POMGNT1: variants seen among roughly 807,000 people sequenced by gnomAD.
The protein encoded by POMGNT1 is protein O-linked-mannose beta-1,2-N-acetylglucosaminyltransferase 1.
Under a neutral mutation model 95.6 loss-of-function variants are expected in POMGNT1, and 67 were observed. The ratio of observed to expected loss-of-function variants is 0.70; its 90% CI spans 0.58 to 0.86. The LOEUF (loss-of-function observed/expected upper bound fraction) is 0.86. Ranked by LOEUF, POMGNT1 falls within the 40% of genes least tolerant of loss-of-function variation. The pLI, the probability that POMGNT1 is intolerant of heterozygous loss-of-function variation, is 0.00. For synonymous variants in POMGNT1, 298 were observed against 317.9 expected, an observed-to-expected ratio of 0.94 and a Z score of 0.66; for missense variants, 719 against 855.2, an observed-to-expected ratio of 0.84 and a Z score of 1.99.
intron 1 of POMGNT1, among the ~76,000 whole-genome samples, chr1:46,215,881 T>C (rs1478014477): frequency 6.6e-6 from 1 of 152,098 alleles, no homozygotes; most frequent in African/African-American, 2.4e-5. Context: ...GCCTGGGCTA[T>C]AGAGTAAGAC....
chr1:46,197,953 C>G, intron 1 of POMGNT1, 82 bp from the exon 2 acceptor site: 1 of 1,361,770 alleles, frequency 7.3e-7, no homozygotes, highest in East Asian at 2.4e-5. Flanking sequence ...GAGGACCTCC[C>G]AGCAACTCTT....
At chr1:46,207,499 T>A (rs550943025) in intron 1 of POMGNT1, among the ~76,000 whole-genome samples, 14 of 152,264 alleles carry the variant, frequency 9.2e-5, no homozygotes, top group Admixed American at 7.2e-4. Flanking sequence ...AGCAGTTGTT[T>A]CCACTAGCGT....
At chr1:46,212,135 T>G (rs151121578) in intron 1 of POMGNT1, among the ~76,000 whole-genome samples, 7 of 152,326 alleles carry the variant, frequency 4.6e-5, no homozygotes, top group African/African-American at 1.7e-4. Context: ...ATTTCCTGAA[T>G]AATTCAATAA....
At chr1:46,209,945 A>G (rs1322940521) in intron 1 of POMGNT1, among the ~76,000 whole-genome samples, 1 of 152,206 alleles carries the variant, frequency 6.6e-6, no homozygotes, top group Non-Finnish European at 1.5e-5. Context: ...TAGTTTGGTC[A>G]TGGACTAGGA....
chr1:46,212,925 A>G (rs1246288505), intron 1 of POMGNT1, among the ~76,000 whole-genome samples: 1 of 150,500 alleles, frequency 6.6e-6, no homozygotes, highest in Non-Finnish European at 1.5e-5. Flanking sequence ...ACACCTGGCA[A>G]AAATTTTTTT....
chr1:46,220,163 G>A (rs776449438), exon 1 of POMGNT1: 10 of 1,614,060 alleles, frequency 6.2e-6, no homozygotes, highest in Non-Finnish European at 8.5e-6. Flanking sequence ...GTGCCAAGCT[G>A]GGCTTCGAGG....
intron 19 of POMGNT1, 105 bp from the exon 20 acceptor site, chr1:46,190,094 G>GTT: frequency 5.2e-6 from 4 of 768,232 alleles, no homozygotes; most frequent in South Asian, 3.5e-5. Flanking sequence ...CCACCTTGAA[G>GTT]TTCTTTTTTT....
chr1:46,202,684 G>C (rs529953486), upstream of POMGNT1, among the ~76,000 whole-genome samples: 1 of 112,182 alleles, frequency 8.9e-6, no homozygotes, highest in Non-Finnish European at 1.7e-5. Flanking sequence ...GCGACAGAGC[G>C]AGACTCTGTC....
At chr1:46,202,906 T>TG (rs781252454), upstream of POMGNT1, among the ~76,000 whole-genome samples, 3,295 of 7,536 alleles carry the variant, frequency 0.44, 1,253 homozygotes, top group East Asian at 0.85. Context: ...TTCTAGCCCC[T>TG]GGGGGGGGGG....
At chr1:46,194,783 T>C in intron 7 of POMGNT1, 61 bp downstream of exon 7, 2 of 1,613,166 alleles carry the variant, frequency 1.2e-6, no homozygotes, top group Non-Finnish European at 1.7e-6. Flanking sequence ...CCCCATCTCC[T>C]AGGGTTCTGC....
chr1:46,203,654 C>T, intron 1 of POMGNT1: 1 of 1,588,698 alleles, frequency 6.3e-7, no homozygotes, highest in Non-Finnish European at 8.5e-7. Flanking sequence ...GCCAAGGGGA[C>T]GAGTCCCTAG....
chr1:46,218,842 G>A (rs1025653431), intron 1 of POMGNT1, among the ~76,000 whole-genome samples: 3 of 151,924 alleles, frequency 2.0e-5, no homozygotes, highest in Non-Finnish European at 2.9e-5. Flanking sequence ...TTCCCCTCTC[G>A]GTGGCTGCTA....
chr1:46,200,990 G>T (rs1658516920), upstream of POMGNT1, among the ~76,000 whole-genome samples: 1 of 152,186 alleles, frequency 6.6e-6, no homozygotes, highest in Admixed American at 6.5e-5. Context: ...AATTAGCTGG[G>T]TGTTGTGGCA....
rs934825092 is a variant in POMGNT1 at position 46,219,579 on chromosome 1, A to G, written c.-51+126T>C. On this transcript the variant is annotated intron_variant, in intron 1 of 22. Coordinates refer to the POMGNT1 transcript ENST00000371992. ...TCTGAAGCCTACACTGCAAGCCGTTATAATTCCATCCGTCTTAAAGTGAAA... is the reference window on the plus strand; with the variant it reads ...TCTGAAGCCTACACTGCAAGCCGTTGTAATTCCATCCGTCTTAAAGTGAAA... The G allele has an allele frequency of 1.5e-5, 17 of 1,124,522 alleles. No homozygotes were observed. In the African/African-American group the frequency reaches 2.5e-4, roughly 16 times the overall value. 69.7% of individuals were successfully genotyped at this position (1,124,522 alleles called of 1,614,324 possible). A position where few individuals can be genotyped will look rare whatever the true frequency, so the allele number is the denominator to read the frequency against.
upstream of POMGNT1, among the ~76,000 whole-genome samples, chr1:46,202,281 T>A (rs984851981): frequency 2.6e-5 from 4 of 151,820 alleles, no homozygotes; most frequent in Non-Finnish European, 5.9e-5. Context: ...TCATTACCTG[T>A]TAAATAAAAC....
chr1:46,196,782 T>G lies in POMGNT1; in HGVS notation c.303A>C (p.Val101=), dbSNP rs769150705. The G allele has an allele frequency of 3.1e-6, 5 of 1,614,204 alleles. No individual in the cohort carries two copies. The South Asian group carries it at 5.5e-5, about 18-fold the overall frequency. The change falls in exon 4 of 22, where the codon GTA becomes GTC. Residue 101 remains valine (V), a synonymous_variant. Transcript: ENST00000371984. The surrounding 1 kb of genome is among the most constrained non-coding windows in gnomAD (Gnocchi z 4.4). The part of the protein sequence containing the change: ...RGSGPRRVLD[V]EVYSSRSKVY... The stretch of plus-strand genomic sequence containing the variant: ...CTTTGCTGCGACTTGAATACACCTC[T>G]ACGTCCAGGACCCGCCGGGGACCAC...
In POMGNT1 at chr1:46,196,539, C is replaced by A. The variant is rs1300426542; in HGVS notation, c.354+192G>T. Among the ~76,000 whole-genome samples the A allele has an allele frequency of 6.6e-6, 1 of 152,234 alleles. No homozygotes were observed. The highest frequency in any genetic ancestry group is 6.5e-5 in the Admixed American group (1 of 15,284). ...ATCCCACTACATACAAGACACTTCA[C>A]AAACTTTTCATTGAATCCTGACAAG... On this transcript the variant is annotated intron_variant, in intron 4 of 21. Transcript: ENST00000371984. The surrounding 1 kb of genome is among the most constrained non-coding windows in gnomAD (Gnocchi z 4.4).
intron 1 of POMGNT1, chr1:46,198,119 G>T: frequency 2.3e-6 from 1 of 443,026 alleles, no homozygotes; most frequent in Non-Finnish European, 4.1e-6. Flanking sequence ...CCAAATAATC[G>T]GCTCAAAGTT....
chr1:46,200,906 G>A (rs1658514518), upstream of POMGNT1, among the ~76,000 whole-genome samples: 1 of 152,214 alleles, frequency 6.6e-6, no homozygotes, highest in Non-Finnish European at 1.5e-5. Flanking sequence ...GGAGGCCAAG[G>A]CGGGTGGATC....
Sources: gnomAD v4.1 joint callset for allele counts (sites outside exome capture counted in the v4.1 genomes callset) on GRCh38, gnomAD v4.1.1 for gene constraint, Gnocchi (gnomAD v3.1) non-coding constraint, MANE v1.5 for transcripts, NCBI Gene and HGNC (gene_info 2026-07-23, HGNC 2026-07-21) for gene names.